ACBD5: variants seen among roughly 807,000 people sequenced by gnomAD.
ACBD5 encodes acyl-CoA-binding domain-containing protein 5.
In ACBD5, 40 loss-of-function variants were observed where a neutral mutation model predicts 71.8. The observed-to-expected ratio is 0.56, with a 90% CI of 0.43 to 0.72. The LOEUF is 0.72. ACBD5 is among the 30% of genes least tolerant of loss of function. The pLI, the probability that ACBD5 is intolerant of heterozygous loss-of-function variation, is 0.00. For synonymous variants in ACBD5, 229 were observed against 218.6 expected (o/e 1.05, Z -0.42); for missense variants, 559 against 644.5 (o/e 0.87, Z 1.44).
chr10:27,204,488 G>C lies in ACBD5; in HGVS notation c.1517C>G (p.Pro506Arg). Reference protein sequence around the residue: ...PGVLTFAIIWPFIAQWLVYLY... With the variant: ...PGVLTFAIIWRFIAQWLVYLY... ...ATACACCAACCACTGTGCAATAAAA[G>C]GCCATATGATGGCAAACGTTAGCAC... Residue 506 changes from proline (P) to arginine (R), a missense_variant, in exon 12 of 13, where the codon CCT (proline) becomes CGT (arginine). Physicochemically the swap from Pro to Arg is moderately radical, Grantham distance 103 (BLOSUM62 -2). Transcript: ENST00000396271. 1 of 1,613,956 alleles carries C rather than the reference G, an allele frequency of 6.2e-7. No homozygotes were observed. The highest frequency in any genetic ancestry group is 8.5e-7 in the Non-Finnish European group (1 of 1,179,966).
At chr10:27,219,434 C>G (rs2062063091) in intron 6 of ACBD5, among the ~76,000 whole-genome samples, 1 of 152,052 alleles carries the variant, frequency 6.6e-6, no homozygotes, top group Non-Finnish European at 1.5e-5. Flanking sequence ...ATGTTGGGAA[C>G]AACACTTTAA....
downstream of ACBD5, among the ~76,000 whole-genome samples, chr10:27,193,826 A>G (rs1394846597): frequency 6.6e-6 from 1 of 152,222 alleles, no homozygotes; most frequent in Non-Finnish European, 1.5e-5. Context: ...CTTATATCGA[A>G]GGAAAAGACC....
At chr10:27,190,272 G>A (rs554590781), downstream of ACBD5, among the ~76,000 whole-genome samples, 2 of 152,150 alleles carry the variant, frequency 1.3e-5, no homozygotes, top group South Asian at 4.1e-4. Flanking sequence ...GTGACAGAAT[G>A]AGACTCTGCC....
intron 12 of ACBD5, among the ~76,000 whole-genome samples, chr10:27,199,853 G>A (rs982737473): frequency 6.6e-6 from 1 of 152,080 alleles, no homozygotes; most frequent in Admixed American, 6.6e-5. Flanking sequence ...TTAGCCGGGC[G>A]TGGTGGCGGG....
chr10:27,221,835 TTGAACCC>T (rs974216530), intron 5 of ACBD5, among the ~76,000 whole-genome samples: 1 of 147,524 alleles, frequency 6.8e-6, no homozygotes, highest in Non-Finnish European at 1.5e-5. Flanking sequence ...GGAGAATTGC[TTGAACCC>T]AGGAGTTGGA....
At chr10:27,230,098 TA>T (rs11375772) in intron 4 of ACBD5, among the ~76,000 whole-genome samples, 16,672 of 143,928 alleles carry the variant, frequency 0.12, 1,158 homozygotes, top group South Asian at 0.2. Context: ...AAATTTAAGG[TA>T]AAAAAAAAAA....
intron 10 of ACBD5, among the ~76,000 whole-genome samples, chr10:27,206,735 C>T (rs552433456): frequency 6.1e-4 from 92 of 151,826 alleles, no homozygotes; most frequent in African/African-American, 2.1e-3. Flanking sequence ...AGGCTGGTAT[C>T]GAACTCCTGG....
intron 8 of ACBD5, among the ~76,000 whole-genome samples, chr10:27,213,577 G>C (rs1266985719): frequency 1.3e-5 from 2 of 152,118 alleles, no homozygotes; most frequent in African/African-American, 4.8e-5. Context: ...GACCAACATG[G>C]AGAAACCCCG....
upstream of ACBD5, chr10:27,240,816 C>A: frequency 2.2e-6 from 3 of 1,389,784 alleles, no homozygotes; most frequent in South Asian, 3.7e-5. This position sits in a 1 kb window ranked among gnomAD's most constrained non-coding sequence, Gnocchi z 4.1. Context: ...GTGCCCTCCC[C>A]ACAGCCCCGC....
chr10:27,230,519 G>A (rs1391048176), intron 4 of ACBD5, among the ~76,000 whole-genome samples: 3 of 151,996 alleles, frequency 2.0e-5, no homozygotes, highest in Non-Finnish European at 2.9e-5. Context: ...AGTCTCTGCC[G>A]GGCATGGTGG....
Position 27,211,094 on chromosome 10 carries a change from A to C in ACBD5, c.937-13T>G. Reference sequence around the variant, plus strand: ...AGCTGTCTAAAGACTACAAATTAGAAATGACACTTAGTTAAAAGCTAGAAA... The same window carrying C: ...AGCTGTCTAAAGACTACAAATTAGACATGACACTTAGTTAAAAGCTAGAAA... On this transcript the variant is annotated splice_polypyrimidine_tract_variant and intron_variant, in intron 8 of 12. Coordinates refer to ENST00000396271, the MANE Select transcript of ACBD5 (RefSeq NM_145698.5). 1 of 1,606,332 alleles carries C rather than the reference A, an allele frequency of 6.2e-7. No homozygotes were observed. The highest frequency in any genetic ancestry group is 1.1e-5 in the South Asian group (1 of 91,036).
At chr10:27,213,397 T>C (rs1315900445) in intron 8 of ACBD5, among the ~76,000 whole-genome samples, 1 of 152,216 alleles carries the variant, frequency 6.6e-6, no homozygotes, top group East Asian at 1.9e-4. Flanking sequence ...GAAGCCCCTG[T>C]ACATTGTCGG....
chr10:27,200,704 T>C (rs1008499998), intron 12 of ACBD5, among the ~76,000 whole-genome samples: 21 of 152,026 alleles, frequency 1.4e-4, no homozygotes, highest in Admixed American at 1.4e-3. Flanking sequence ...GGTGACCGGC[T>C]CACCTCGGCC....
At chr10:27,235,892 C>T (rs567045619) in intron 2 of ACBD5, among the ~76,000 whole-genome samples, 1 of 152,182 alleles carries the variant, frequency 6.6e-6, no homozygotes, top group East Asian at 1.9e-4. Flanking sequence ...GTGGGTGGAT[C>T]ACCTGACCCC....
intron 9 of ACBD5, among the ~76,000 whole-genome samples, chr10:27,210,556 G>A (rs988925348): frequency 6.6e-6 from 1 of 152,076 alleles, no homozygotes; most frequent in African/African-American, 2.4e-5. Context: ...TCAGGAGTTC[G>A]AGACCAGCCT....
downstream of ACBD5, among the ~76,000 whole-genome samples, chr10:27,194,863 G>A (rs1423281596): frequency 6.6e-6 from 1 of 151,846 alleles, no homozygotes; most frequent in African/African-American, 2.4e-5. Flanking sequence ...GGGAGTGGTG[G>A]CACGTGCCTG....
At chr10:27,215,141 G>C (rs1267555471) in intron 8 of ACBD5, among the ~76,000 whole-genome samples, 1 of 151,988 alleles carries the variant, frequency 6.6e-6, no homozygotes, top group East Asian at 1.9e-4. Flanking sequence ...TCCAGCCTGG[G>C]TGACAGACAG....
chr10:27,208,566 T>C (rs1397867552), intron 9 of ACBD5, 121 bp from the exon 10 acceptor site: 1 of 1,196,396 alleles, frequency 8.4e-7, no homozygotes, highest in Non-Finnish European at 1.2e-6. Context: ...GGCCAGGAGC[T>C]GTGGCTCACA....
rs562122581 is a variant in ACBD5, at chr10:27,199,278, C to T, written c.1566-1836G>A. Among the ~76,000 whole-genome samples the T allele has an allele frequency of 1.2e-4, 18 of 151,588 alleles. No individual in the cohort carries two copies. In the South Asian group the frequency reaches 2.5e-3, roughly 21 times the overall value. ...CGACCTCGGCTCACTGCAACCTCCA[C>T]CTCCTAGGTTCAAGCTATTCTGCTG... On this transcript the variant is annotated intron_variant, in intron 12 of 12. Transcript: ENST00000396271.
Sources: allele counts gnomAD v4.1 joint callset (sites outside exome capture counted in the v4.1 genomes callset), GRCh38; gene constraint gnomAD v4.1.1; non-coding constraint Gnocchi (gnomAD v3.1); transcripts MANE v1.5; gene names NCBI Gene and HGNC (gene_info 2026-07-23, HGNC 2026-07-21).